The following CPED1 variants were observed in gnomAD, a reference collection of about 807,000 sequenced individuals.
CPED1 encodes the protein cadherin like and PC-esterase domain containing 1.
A neutral mutation model predicts 128.2 loss-of-function variants in CPED1; 114 were observed. The ratio of observed to expected loss-of-function variants is 0.89; its 90% CI spans 0.76 to 1.04. CPED1 has a LOEUF of 1.04. CPED1 is among the 50% of genes least tolerant of loss of function. The pLI is 0.00. For missense variants in CPED1, 1,211 were observed against 1,207.1 expected, an observed-to-expected ratio of 1.00 and a Z score of -0.05; for synonymous variants, 462 against 426.7, an observed-to-expected ratio of 1.08 and a Z score of -1.02.
chr7:121,019,248 T>C (rs1032393943), intron 3 of CPED1, among the ~76,000 whole-genome samples: 3 of 152,062 alleles, frequency 2.0e-5, no homozygotes, highest in African/African-American at 4.8e-5. Flanking sequence ...TTTAGGGCTA[T>C]GAACATATGA....
intron 16 of CPED1, among the ~76,000 whole-genome samples, chr7:121,194,737 A>G (rs897484429): frequency 2.0e-5 from 3 of 152,138 alleles, no homozygotes; most frequent in African/African-American, 7.2e-5. Flanking sequence ...ATCTGTTTTT[A>G]AAAACATCCC....
chr7:121,206,408 T>C (rs911123618), intron 16 of CPED1, among the ~76,000 whole-genome samples: 7 of 151,598 alleles, frequency 4.6e-5, no homozygotes, highest in African/African-American at 1.5e-4. Context: ...GAATATAGTT[T>C]TCTTTACTAA....
intron 16 of CPED1, among the ~76,000 whole-genome samples, chr7:121,226,716 T>A (rs1027962593): frequency 2.0e-5 from 3 of 152,112 alleles, no homozygotes; most frequent in Non-Finnish European, 4.4e-5. Flanking sequence ...TTACATAAAT[T>A]GCTCTCTTCT....
At chr7:120,992,287 TTTAGTCAAATC>T (rs529104920) in intron 2 of CPED1, among the ~76,000 whole-genome samples, 164 of 152,286 alleles carry the variant, frequency 1.1e-3, no homozygotes, top group African/African-American at 3.8e-3. Flanking sequence ...ATTACTTTTA[TTTAGTCAAATC>T]TTAGTCAAAT....
At chr7:121,085,365 G>A (rs1183964319) in intron 5 of CPED1, among the ~76,000 whole-genome samples, 1 of 152,108 alleles carries the variant, frequency 6.6e-6, no homozygotes, top group African/African-American at 2.4e-5. Flanking sequence ...TCCAAAGCCT[G>A]AATAAGTAAA....
At chr7:121,168,180 G>C (rs73436009) in intron 16 of CPED1, among the ~76,000 whole-genome samples, 3,077 of 152,242 alleles carry the variant, frequency 0.02, 92 homozygotes, top group African/African-American at 0.071. Context: ...ACTGGTCAGA[G>C]GTTTAATATG....
chr7:121,223,510 T>A (rs543853037), intron 16 of CPED1, among the ~76,000 whole-genome samples: 18 of 152,312 alleles, frequency 1.2e-4, no homozygotes, highest in Non-Finnish European at 2.2e-4. Flanking sequence ...TTCTATTGAT[T>A]GGAGTAGTTT....
intron 3 of CPED1, among the ~76,000 whole-genome samples, chr7:121,035,879 C>A (rs145683178): frequency 4.6e-5 from 7 of 151,590 alleles, no homozygotes; most frequent in African/African-American, 1.5e-4. Context: ...GGAGGAAGAG[C>A]GGGTCTTTTC....
At chr7:121,174,860 G>A (rs1796739873) in intron 16 of CPED1, among the ~76,000 whole-genome samples, 1 of 152,082 alleles carries the variant, frequency 6.6e-6, no homozygotes, top group Admixed American at 6.6e-5. Flanking sequence ...CCATGAACAG[G>A]ATATGTTTTT....
At chr7:121,142,367 A>G (rs918028159) in intron 16 of CPED1, among the ~76,000 whole-genome samples, 1 of 151,836 alleles carries the variant, frequency 6.6e-6, no homozygotes, top group Non-Finnish European at 1.5e-5. Flanking sequence ...TTTTCAGTGG[A>G]CTTATTGTGG....
intron 3 of CPED1, among the ~76,000 whole-genome samples, chr7:121,026,282 G>C (rs1792579601): frequency 1.3e-5 from 2 of 152,088 alleles, no homozygotes; most frequent in African/African-American, 4.8e-5. Flanking sequence ...GGGTCTACCT[G>C]CTTCCTTACA....
At chr7:121,087,972 A>C (rs1012199335) in intron 5 of CPED1, among the ~76,000 whole-genome samples, 2 of 151,970 alleles carry the variant, frequency 1.3e-5, no homozygotes, top group Non-Finnish European at 2.9e-5. Context: ...AGCTCACAAG[A>C]TTTTTAAAGC....
chr7:121,161,698 C>A (rs1318421729), intron 16 of CPED1, among the ~76,000 whole-genome samples: 8 of 152,140 alleles, frequency 5.3e-5, no homozygotes, highest in African/African-American at 1.9e-4. Flanking sequence ...AGCTGCAAAT[C>A]TACATTTCCC....
chr7:121,169,556 A>AT (rs1488022133), intron 16 of CPED1, among the ~76,000 whole-genome samples: 3 of 152,262 alleles, frequency 2.0e-5, no homozygotes, highest in Admixed American at 1.3e-4. Flanking sequence ...TTTTGTTGAA[A>AT]TTTTTTACTG....
chr7:121,165,020 G>A (rs930240752), intron 16 of CPED1, among the ~76,000 whole-genome samples: 3 of 151,980 alleles, frequency 2.0e-5, no homozygotes, highest in African/African-American at 7.2e-5. Flanking sequence ...GTTTCTTCTT[G>A]AACTCTCTGA....
intron 2 of CPED1, among the ~76,000 whole-genome samples, chr7:120,991,351 TTTG>T (rs1308245606): frequency 2.6e-5 from 4 of 152,186 alleles, no homozygotes; most frequent in South Asian, 4.1e-4. Flanking sequence ...AATGTGTATT[TTTG>T]TTGTTGTTGT....
At chr7:121,057,422 C>A (rs1394663730) in intron 4 of CPED1, among the ~76,000 whole-genome samples, 1 of 152,124 alleles carries the variant, frequency 6.6e-6, no homozygotes, top group East Asian at 1.9e-4. Context: ...CCCTTTTTAA[C>A]CCTTGCCCCC....
intron 14 of CPED1, among the ~76,000 whole-genome samples, chr7:121,138,107 A>G (rs2116357213): frequency 6.6e-6 from 1 of 152,218 alleles, no homozygotes; most frequent in South Asian, 2.1e-4. Flanking sequence ...GGTATAAAAT[A>G]AGATTTAAAA....
Position 121,256,528 on chromosome 7 carries a change from A to T in CPED1, c.2311-9699A>T, listed in dbSNP as rs576793488. Among the ~76,000 whole-genome samples, 164 of 152,204 alleles carry T rather than the reference A, an allele frequency of 1.1e-3. 1 individual carries two copies. The highest frequency in any genetic ancestry group is 3.6e-3 in the African/African-American group (151 of 41,560). ...CCATTTCATACCAGTCAGAATGGCTATTACTGAAAAGTCAAAAAACAACGG... is the reference window on the plus strand; with the variant it reads ...CCATTTCATACCAGTCAGAATGGCTTTTACTGAAAAGTCAAAAAACAACGG... On this transcript the variant is annotated intron_variant, in intron 18 of 22. Transcript: ENST00000310396.
Sources: allele counts gnomAD v4.1 joint callset (sites outside exome capture counted in the v4.1 genomes callset), GRCh38; gene constraint gnomAD v4.1.1; transcripts MANE v1.5; gene names NCBI Gene and HGNC (gene_info 2026-07-23, HGNC 2026-07-21).